Variants in SREBF2 observed in about 807,000 individuals in gnomAD.
The protein encoded by SREBF2 is sterol regulatory element-binding protein 2.
Under a neutral mutation model 113.1 loss-of-function variants are expected in SREBF2, and 55 were observed. The observed-to-expected ratio is 0.49, with a 90% confidence interval of 0.39 to 0.61. The LOEUF (loss-of-function observed/expected upper bound fraction) is 0.61. Among genes scored for constraint, SREBF2 ranks in the 20% least tolerant of loss-of-function variants. SREBF2 has a pLI of 0.00. For missense variants in SREBF2, 1,349 were observed against 1,487.4 expected (o/e 0.91, Z 1.53); for synonymous variants, 593 against 605.7 (o/e 0.98, Z 0.31).
chr22:41,885,155 A>G, intron 11 of SREBF2, 144 bp downstream of exon 11: 1 of 1,037,292 alleles, frequency 9.6e-7, no homozygotes, highest in Non-Finnish European at 1.5e-6. Flanking sequence ...TCAGTCGCTC[A>G]TTTCACCAGG....
chr22:41,835,166 T>G (rs1159439739), intron 1 of SREBF2, among the ~76,000 whole-genome samples: 3 of 30,448 alleles, frequency 9.9e-5, no homozygotes, highest in Non-Finnish European at 1.9e-4. Flanking sequence ...TTTTTATTTA[T>G]TTAGTTATTT....
intron 13 of SREBF2, among the ~76,000 whole-genome samples, chr22:41,895,143 T>G (rs1483375379): frequency 1.3e-5 from 2 of 151,294 alleles, no homozygotes; most frequent in Admixed American, 6.6e-5. Flanking sequence ...CAAGTGCGTT[T>G]TTTTTTTTTT....
Position 41,905,735 on chromosome 22 carries a change from T to G in SREBF2, c.*75T>G. ...CCCCTCAGCATCTTCCCGCTGAGAG[T>G]GGTGGGGAAGAGCCTTGTCTTCTTA... On this transcript the variant is annotated 3_prime_UTR_variant, in exon 19 of 19. Transcript: ENST00000361204. 2 of 1,460,862 alleles carry G rather than the reference T, an allele frequency of 1.4e-6. No homozygotes were observed. Among genetic ancestry groups the G allele is most frequent in the Non-Finnish European group, 1.9e-6 (2 of 1,065,872 alleles). The allele number at this position is 1,460,862 out of a possible 1,614,324, so 90.5% of individuals were successfully genotyped here. A position where few individuals can be genotyped will look rare whatever the true frequency, so the allele number is the denominator to read the frequency against.
At position 41,903,068 on chromosome 22, in the gene SREBF2, C is replaced by T. The variant is rs1018341759; in HGVS notation, c.3006C>T (p.His1002=). ...GCCAGGCTGTGGGGGAGACCTACCA[C>T]GCGTCAGGCGCTGAACTGGCGGGCT... is the stretch of plus-strand genomic sequence containing the variant. ...SASQAVGETY[H]ASGAELAGFQ... Residue 1002 remains histidine (H), a synonymous_variant, in exon 17 of 19, where the codon CAC becomes CAT. Transcript: ENST00000361204. The T allele has an allele frequency of 2.3e-5, 36 of 1,598,538 alleles. No individual in the cohort carries two copies. Among genetic ancestry groups the T allele is most frequent in the Admixed American group, 5.1e-5 (3 of 58,498 alleles).
chr22:41,888,615 G>A (rs1488104492), intron 11 of SREBF2, among the ~76,000 whole-genome samples: 1 of 152,104 alleles, frequency 6.6e-6, no homozygotes, highest in African/African-American at 2.4e-5. Context: ...ATTCTACAGA[G>A]GTACTTGATG....
chr22:41,836,979 T>A (rs2076781773), intron 1 of SREBF2, among the ~76,000 whole-genome samples: 1 of 152,214 alleles, frequency 6.6e-6, no homozygotes, highest in Admixed American at 6.5e-5. Flanking sequence ...CATTTACTCA[T>A]TGAATGGCTT....
At chr22:41,902,818 A>C in intron 16 of SREBF2, 152 bp from the exon 17 acceptor site, 1 of 846,502 alleles carries the variant, frequency 1.2e-6, no homozygotes, top group South Asian at 1.4e-5. Flanking sequence ...CTGTTCCCTC[A>C]CGTCCTGCGG....
chr22:41,840,705 T>C (rs2076822235), intron 1 of SREBF2, among the ~76,000 whole-genome samples: 1 of 152,240 alleles, frequency 6.6e-6, no homozygotes, highest in Admixed American at 6.5e-5. Flanking sequence ...TTCTTGATCC[T>C]TTGTGTGACC....
At chr22:41,905,012 G>A (rs573308203) in intron 18 of SREBF2, 38 bp downstream of exon 18, 26 of 1,531,030 alleles carry the variant, frequency 1.7e-5, no homozygotes, top group Non-Finnish European at 2.2e-5. Flanking sequence ...GCTGGGCCAG[G>A]CCCTGCGCCC....
chr22:41,904,096 T>C (rs1459374853), intron 17 of SREBF2, among the ~76,000 whole-genome samples: 1 of 152,200 alleles, frequency 6.6e-6, no homozygotes, highest in Non-Finnish European at 1.5e-5. Context: ...CAGGCTGGTC[T>C]CAAACCCCTA....
At chr22:41,842,849 G>A (rs903620635) in intron 1 of SREBF2, among the ~76,000 whole-genome samples, 1 of 152,188 alleles carries the variant, frequency 6.6e-6, no homozygotes, top group Non-Finnish European at 1.5e-5. Context: ...AATTAGCCGG[G>A]CGTGGTGGCA....
intron 1 of SREBF2, among the ~76,000 whole-genome samples, chr22:41,843,314 A>C (rs140980062): frequency 2.0e-5 from 3 of 152,338 alleles, no homozygotes; most frequent in Non-Finnish European, 4.4e-5. Flanking sequence ...GGCAGCACCC[A>C]CTATGCAGTT....
In SREBF2 at chr22:41,884,870, C is replaced by T. The variant is rs200493376; in HGVS notation, c.2067C>T (p.Ser689=). 1.9e-5 allele frequency: 30 copies of T among 1,614,044 alleles called. No individual in the cohort carries two copies. The highest frequency in any genetic ancestry group is 1.5e-4 in the Admixed American group (9 of 59,996). ...TGKLPAGSAC[S]DVHMALCAVN... ...AGCTTCCTGCAGGATCCGCCTGTTC[C>T]GATGTACACATGGCGTTGTGTGCCG... Residue 689 remains serine (S), a synonymous_variant, in exon 11 of 19, where the codon TCC becomes TCT. Coordinates refer to ENST00000361204, the MANE Select transcript of SREBF2 (RefSeq NM_004599.4).
Position 41,898,662 on chromosome 22 carries a change from C to T in SREBF2, c.2619C>T (p.Ile873=). The T allele has an allele frequency of 1.9e-6, 3 of 1,614,118 alleles. No homozygotes were observed. In the Middle Eastern group the frequency reaches 4.9e-4, roughly 266 times the overall value. Residue 873 remains isoleucine, a synonymous_variant, in exon 15 of 19, where the codon ATC becomes ATT. Transcript: ENST00000361204. ...GTTCTCCTCTAGGTCCAGACATCAT[C>T]TGTCGGTGGTGGACGTCTGCAATCA... ...VLKSALGPDI[I]CRWWTSAITV...
chr22:41,890,026 T>G (rs146582375), intron 11 of SREBF2, among the ~76,000 whole-genome samples: 1 of 152,196 alleles, frequency 6.6e-6, no homozygotes, highest in East Asian at 1.9e-4. Context: ...TTTTGGATTC[T>G]TAATAATTTC....
At chr22:41,900,624 C>A in intron 16 of SREBF2, 126 bp downstream of exon 16, 1 of 1,009,448 alleles carries the variant, frequency 9.9e-7, no homozygotes. Flanking sequence ...AGGACAGCAG[C>A]CCCCTTTCAA....
At chr22:41,870,351 C>T (rs2077128025) in intron 3 of SREBF2, among the ~76,000 whole-genome samples, 1 of 152,146 alleles carries the variant, frequency 6.6e-6, no homozygotes, top group South Asian at 2.1e-4. Context: ...TGGCTGAGCA[C>T]CATGGCTCAC....
In SREBF2 at chr22:41,880,712, G is replaced by A. The variant is rs780782183; in HGVS notation, c.1762-4G>A. 18 of 1,614,060 alleles carry A rather than the reference G, an allele frequency of 1.1e-5. No homozygotes were observed. The highest frequency in any genetic ancestry group is 1.5e-5 in the Non-Finnish European group (18 of 1,180,040). On this transcript the variant is annotated splice_polypyrimidine_tract_variant and splice_region_variant and intron_variant, in intron 9 of 18. Transcript: ENST00000361204. ...GACCATTAACACCTTTTGATACTTTGTAGGGAGATTTTGCAGCTGCTGCCG... is the reference window on the plus strand; with the variant it reads ...GACCATTAACACCTTTTGATACTTTATAGGGAGATTTTGCAGCTGCTGCCG...
At chr22:41,846,973 C>G (rs1280628895) in intron 1 of SREBF2, among the ~76,000 whole-genome samples, 2 of 152,202 alleles carry the variant, frequency 1.3e-5, no homozygotes, top group Non-Finnish European at 2.9e-5. Flanking sequence ...GAGTTCCACA[C>G]AAGGCACATA....
Sources: gnomAD v4.1 joint callset for allele counts (sites outside exome capture counted in the v4.1 genomes callset) on GRCh38, gnomAD v4.1.1 for gene constraint, MANE v1.5 for transcripts, NCBI Gene and HGNC (gene_info 2026-07-23, HGNC 2026-07-21) for gene names.